Variants in DSCAML1 observed in about 807,000 individuals in gnomAD.
The protein encoded by DSCAML1 is cell adhesion molecule DSCAML1.
Under a neutral mutation model 200.5 loss-of-function variants are expected in DSCAML1, and 38 were observed. That is an observed-to-expected ratio of 0.19 (90% CI 0.15 to 0.25). DSCAML1 has a LOEUF of 0.25. Among genes scored for constraint, DSCAML1 ranks in the 10% least tolerant of loss-of-function variants. The pLI is 1.00. For synonymous variants in DSCAML1, 1,215 were observed against 1,165.0 expected (o/e 1.04, Z -0.87); for missense variants, 2,223 against 2,858.8 (o/e 0.78, Z 5.07).
rs1246528068 is a variant in DSCAML1 at position 117,505,505 on chromosome 11, C to T, written c.2011G>A (p.Ala671Thr). The T allele has an allele frequency of 9.3e-6, 15 of 1,612,908 alleles. No individual in the cohort carries two copies. The highest frequency in any genetic ancestry group is 1.2e-5 in the Non-Finnish European group (14 of 1,180,008). The change falls in exon 9 of 33, where the codon GCC (alanine) becomes ACC (threonine). Residue 671 changes from alanine (A) to threonine (T), a missense_variant. Physicochemically the swap from Ala to Thr is moderately conservative, Grantham distance 58. Transcript: ENST00000651296. The surrounding 1 kb of genome is among the most constrained non-coding windows in gnomAD (Gnocchi z 6.7). ...CTCACGGTGGCGGCTGCGTTGCTGG[C>T]GATGCATGTATAGTTGCCGTTGTGC... The part of the protein sequence containing the change: ...LKHNGNYTCI[A>T]SNAAATVSRE...
intron 4 of DSCAML1, among the ~76,000 whole-genome samples, chr11:117,530,424 G>A (rs920822493): frequency 2.6e-5 from 4 of 152,172 alleles, no homozygotes; most frequent in East Asian, 1.9e-4. Context: ...ACAAGTCCCC[G>A]TCATTTTGAG....
chr11:117,601,216 G>A (rs968413210), intron 3 of DSCAML1, among the ~76,000 whole-genome samples: 3 of 125,964 alleles, frequency 2.4e-5, no homozygotes, highest in Admixed American at 9.7e-5. Flanking sequence ...ACACTACCAC[G>A]CCTGTGTTGA....
intron 3 of DSCAML1, among the ~76,000 whole-genome samples, chr11:117,639,359 G>C (rs958922981): frequency 6.7e-6 from 1 of 148,310 alleles, no homozygotes; most frequent in Non-Finnish European, 1.5e-5. Context: ...AGGTTGGATG[G>C]ATGGGAGGCC....
At chr11:117,766,240 T>C (rs750880717) in intron 3 of DSCAML1, among the ~76,000 whole-genome samples, 2 of 152,230 alleles carry the variant, frequency 1.3e-5, no homozygotes, top group African/African-American at 2.4e-5. Context: ...ATCACAGGCT[T>C]GGCAGGAAGT....
At chr11:117,470,316 C>T (rs995481785) in intron 15 of DSCAML1, among the ~76,000 whole-genome samples, 1 of 152,212 alleles carries the variant, frequency 6.6e-6, no homozygotes, top group Middle Eastern at 3.2e-3. Context: ...TGGCTCACAC[C>T]TGTAATCCCA....
intron 8 of DSCAML1, among the ~76,000 whole-genome samples, chr11:117,513,602 G>T (rs903555091): frequency 6.6e-6 from 1 of 152,044 alleles, no homozygotes; most frequent in Non-Finnish European, 1.5e-5. Flanking sequence ...TTAGCTGGGC[G>T]TGGTGGCGTG....
chr11:117,512,057 A>C (rs902965090), intron 8 of DSCAML1, among the ~76,000 whole-genome samples: 1 of 152,248 alleles, frequency 6.6e-6, no homozygotes, highest in Non-Finnish European at 1.5e-5. Context: ...CTCATGGAGC[A>C]GCATGGGTTT....
intron 2 of DSCAML1, among the ~76,000 whole-genome samples, chr11:117,777,742 G>C (rs2055155894): frequency 6.6e-6 from 1 of 150,482 alleles, no homozygotes; most frequent in African/African-American, 2.5e-5. Context: ...CCCACCTCCT[G>C]CCTCAGCTGG....
chr11:117,619,446 G>C (rs1016162886), intron 3 of DSCAML1, among the ~76,000 whole-genome samples: 1 of 152,208 alleles, frequency 6.6e-6, no homozygotes, highest in South Asian at 2.1e-4. Flanking sequence ...GACCCTCCCA[G>C]GCTGGAGGGT....
At chr11:117,485,991 A>G (rs544172219) in intron 11 of DSCAML1, among the ~76,000 whole-genome samples, 6 of 152,364 alleles carry the variant, frequency 3.9e-5, no homozygotes, top group Admixed American at 3.3e-4. Flanking sequence ...CTGGGCTGGT[A>G]TAATTAGCCC....
chr11:117,642,325 CCT>C lies in DSCAML1; in HGVS notation c.512-109805_512-109804del, dbSNP rs2052427460. 6.6e-6 allele frequency among the ~76,000 whole-genome samples: 1 copy of C among 152,132 alleles called. No homozygotes were observed. Among genetic ancestry groups the C allele is most frequent in the South Asian group, 2.1e-4 (1 of 4,810 alleles). On this transcript the variant is annotated intron_variant, in intron 3 of 32. Coordinates refer to ENST00000651296, the MANE Select transcript of DSCAML1 (RefSeq NM_020693.4). The surrounding 1 kb of genome is among the most constrained non-coding windows in gnomAD (Gnocchi z 4.1). Reference sequence around the variant, plus strand: ...CTTCTTCCTATCTCACACCTGCCATCCTCTTTTTTTTTCTTGCTTGAGCTCTG... The same window carrying C: ...CTTCTTCCTATCTCACACCTGCCATCCTTTTTTTTTCTTGCTTGAGCTCTG...
intron 20 of DSCAML1, among the ~76,000 whole-genome samples, chr11:117,445,192 G>A (rs1362276531): frequency 6.6e-6 from 1 of 152,226 alleles, no homozygotes; most frequent in Non-Finnish European, 1.5e-5. Flanking sequence ...AACAGGAGGA[G>A]ACATCCTTTT....
intron 3 of DSCAML1, among the ~76,000 whole-genome samples, chr11:117,663,368 G>A (rs7111427): frequency 0.21 from 32,235 of 151,872 alleles, 4,218 homozygotes; most frequent in South Asian, 0.3. Context: ...TCCCAGCCTG[G>A]CGCCCAGGAC....
intron 3 of DSCAML1, among the ~76,000 whole-genome samples, chr11:117,729,987 T>C (rs1250592132): frequency 6.6e-6 from 1 of 152,154 alleles, no homozygotes; most frequent in African/African-American, 2.4e-5. Flanking sequence ...GATCATGAGG[T>C]CAAGAGATTG....
intron 1 of DSCAML1, among the ~76,000 whole-genome samples, chr11:117,803,921 G>C (rs2055684940): frequency 6.6e-6 from 1 of 152,228 alleles, no homozygotes; most frequent in Admixed American, 6.5e-5. Context: ...CCATGCGCTG[G>C]AGGATCTCAG....
At chr11:117,486,707 C>T (rs2049075333) in intron 11 of DSCAML1, among the ~76,000 whole-genome samples, 1 of 151,950 alleles carries the variant, frequency 6.6e-6, no homozygotes, top group African/African-American at 2.4e-5. Flanking sequence ...GTGTTACTTG[C>T]CAGGTGATTC....
intron 3 of DSCAML1, among the ~76,000 whole-genome samples, chr11:117,573,261 T>C (rs2050876785): frequency 6.6e-6 from 1 of 152,248 alleles, no homozygotes; most frequent in Admixed American, 6.5e-5. Flanking sequence ...TCCAGCTTTC[T>C]AGAGACTAGA....
At chr11:117,777,116 C>G (rs2055141483) in intron 2 of DSCAML1, among the ~76,000 whole-genome samples, 179 bp from the exon 3 acceptor site, 1 of 152,142 alleles carries the variant, frequency 6.6e-6, no homozygotes, top group African/African-American at 2.4e-5. Flanking sequence ...TTGTTCTTGT[C>G]TGGGCAACTC....
At position 117,669,704 on chromosome 11, in the gene DSCAML1, A is replaced by G. The variant is rs184971513; in HGVS notation, c.511+107087T>C. ...AGGAAACAGACATTTCCTGAGAAAC[A>G]TGACATTTACACTGAGACCTGAAGG... On this transcript the variant is annotated intron_variant, in intron 3 of 32. Coordinates refer to ENST00000651296, the MANE Select transcript of DSCAML1 (RefSeq NM_020693.4). 2.6e-3 allele frequency among the ~76,000 whole-genome samples: 390 copies of G among 152,404 alleles called. 2 individuals carry two copies. The highest frequency in any genetic ancestry group is 3.8e-3 in the Admixed American group (58 of 15,314).
Sources: allele counts gnomAD v4.1 joint callset (sites outside exome capture counted in the v4.1 genomes callset), GRCh38; gene constraint gnomAD v4.1.1; non-coding constraint Gnocchi (gnomAD v3.1); transcripts MANE v1.5; gene names NCBI Gene and HGNC (gene_info 2026-07-23, HGNC 2026-07-21).